The following SIL1 variants were observed in gnomAD, a reference collection of about 807,000 sequenced individuals.
The protein encoded by SIL1 is SIL1 nucleotide exchange factor.
SIL1 carries 40 observed loss-of-function variants against 49.1 expected under a neutral mutation model. That is an observed-to-expected ratio of 0.81 (90% confidence interval 0.63 to 1.06). SIL1 has a LOEUF of 1.06. Among genes scored for constraint, SIL1 ranks in the 50% least tolerant of loss-of-function variants. The pLI is 0.00. For synonymous variants in SIL1, 253 were observed against 250.8 expected, an observed-to-expected ratio of 1.01 and a Z score of -0.08; for missense variants, 500 against 572.6, an observed-to-expected ratio of 0.87 and a Z score of 1.29.
intron 1 of SIL1, among the ~76,000 whole-genome samples, chr5:139,149,223 T>C (rs536306548): frequency 6.6e-6 from 1 of 152,320 alleles, no homozygotes; most frequent in East Asian, 1.9e-4. Flanking sequence ...AGGTGAGCAG[T>C]TAACAGTCAC....
intron 3 of SIL1, among the ~76,000 whole-genome samples, chr5:139,066,468 A>G (rs1769708084): frequency 6.8e-6 from 1 of 147,406 alleles, no homozygotes; most frequent in Non-Finnish European, 1.5e-5. Flanking sequence ...GTGACAGTCC[A>G]TTTTTTAATA....
In SIL1 at chr5:139,026,988, C is replaced by G. The variant is rs761688927; in HGVS notation, c.458G>C (p.Arg153Thr). Residue 153 changes from arginine to threonine, a missense_variant, in exon 6 of 10, where the codon AGG (arginine) becomes ACG (threonine). Arg to Thr is a moderately conservative substitution (Grantham distance 71). Transcript: ENST00000394817. ...GAAGAGCCGCTTTACCTCAGCCTGC[C>G]TTGCCTAAGGAGAGCAGCAAAGAGG... Reference protein sequence around the residue: ...EMESSKEDKARQAEVKRLFRP... With the variant: ...EMESSKEDKATQAEVKRLFRP... 9.3e-6 allele frequency: 15 copies of G among 1,614,042 alleles called. No individual in the cohort carries two copies. In the African/African-American group the frequency reaches 1.3e-4, roughly 14 times the overall value.
intron 1 of SIL1, among the ~76,000 whole-genome samples, chr5:139,144,356 G>T (rs1052894974): frequency 1.3e-5 from 2 of 151,994 alleles, no homozygotes; most frequent in Admixed American, 1.3e-4. Context: ...CAGCAAAGTT[G>T]AGGGGAAAAA....
chr5:138,968,397 G>A (rs1319010147), intron 7 of SIL1, among the ~76,000 whole-genome samples: 5 of 152,114 alleles, frequency 3.3e-5, no homozygotes, highest in Admixed American at 1.3e-4. Flanking sequence ...CTCTTGCCCC[G>A]ATGAATTTCT....
intron 1 of SIL1, among the ~76,000 whole-genome samples, chr5:139,184,908 G>T (rs1367207936): frequency 6.6e-6 from 1 of 152,166 alleles, no homozygotes; most frequent in East Asian, 1.9e-4. Flanking sequence ...CCATATGTCA[G>T]GAATAAAGTG....
intron 5 of SIL1, among the ~76,000 whole-genome samples, chr5:139,029,937 A>T (rs1178531221): frequency 6.6e-6 from 1 of 151,728 alleles, no homozygotes; most frequent in East Asian, 2.0e-4. Flanking sequence ...TGATCGTACC[A>T]CTTCAACCTG....
chr5:138,984,332 GTT>G (rs57850973), intron 7 of SIL1, among the ~76,000 whole-genome samples: 8 of 141,550 alleles, frequency 5.7e-5, no homozygotes, highest in Non-Finnish European at 1.1e-4. Context: ...CTCTTACGGT[GTT>G]TTTTTTTTTG....
chr5:138,996,776 C>T (rs998758475), intron 7 of SIL1, among the ~76,000 whole-genome samples: 1 of 152,078 alleles, frequency 6.6e-6, no homozygotes, highest in African/African-American at 2.4e-5. Flanking sequence ...CCTCGACCTC[C>T]CAAAGTGCTG....
intron 7 of SIL1, among the ~76,000 whole-genome samples, chr5:138,965,664 A>C (rs1469070802): frequency 7.2e-6 from 1 of 138,122 alleles, no homozygotes; most frequent in South Asian, 2.4e-4. Context: ...AGATCCTGGG[A>C]ATAGGCTAAC....
At chr5:139,193,524 C>T (rs779099828) in intron 1 of SIL1, among the ~76,000 whole-genome samples, 16 of 152,252 alleles carry the variant, frequency 1.1e-4, no homozygotes, top group Middle Eastern at 3.4e-3. Context: ...GCAGAGATCA[C>T]ACCACTGCAC....
intron 3 of SIL1, among the ~76,000 whole-genome samples, chr5:139,093,068 C>G (rs973153036): frequency 6.6e-6 from 1 of 152,166 alleles, no homozygotes; most frequent in Admixed American, 6.5e-5. Context: ...GGCTGAAACG[C>G]GAGGACTTGC....
chr5:138,997,524 T>C (rs528845722), intron 7 of SIL1, among the ~76,000 whole-genome samples: 31 of 152,338 alleles, frequency 2.0e-4, no homozygotes, highest in African/African-American at 7.5e-4. Flanking sequence ...TTGTTTGTTT[T>C]GTTTTTTACC....
chr5:139,012,200 A>G (rs1297928333), intron 7 of SIL1: 1 of 152,296 alleles, frequency 6.6e-6, no homozygotes, highest in Non-Finnish European at 1.5e-5. Context: ...CCACAGAAAC[A>G]TACCACCAGA....
chr5:138,988,750 G>C (rs2150404108), intron 7 of SIL1, among the ~76,000 whole-genome samples: 1 of 152,254 alleles, frequency 6.6e-6, no homozygotes, highest in South Asian at 2.1e-4. Flanking sequence ...GTACGTACCT[G>C]TGGTCCCAGC....
chr5:138,975,416 T>C (rs1479901237), intron 7 of SIL1, among the ~76,000 whole-genome samples: 1 of 152,098 alleles, frequency 6.6e-6, no homozygotes, highest in Non-Finnish European at 1.5e-5. Context: ...GGGAAGGGCA[T>C]AGGCTCAGTG....
rs142346053 is a variant in SIL1, at chr5:138,989,835, T to C, written c.767+31336A>G. ...AGGACTTCTCTAACTGCACGGGAAATGCCATCTGAAGGCCATGTCTTATCC... is the reference window on the plus strand; with the variant it reads ...AGGACTTCTCTAACTGCACGGGAAACGCCATCTGAAGGCCATGTCTTATCC... On this transcript the variant is annotated intron_variant, in intron 7 of 9. Coordinates refer to ENST00000394817, the MANE Select transcript of SIL1 (RefSeq NM_022464.5). Among the ~76,000 whole-genome samples, 415 of 152,276 alleles carry C rather than the reference T, an allele frequency of 2.7e-3. 3 individuals are homozygous for C. Among genetic ancestry groups the C allele is most frequent in the African/African-American group, 9.3e-3 (388 of 41,546 alleles).
intron 3 of SIL1, among the ~76,000 whole-genome samples, chr5:139,056,792 C>T (rs1043657191): frequency 6.6e-6 from 1 of 151,914 alleles, no homozygotes; most frequent in Non-Finnish European, 1.5e-5. Context: ...CCCCTCTGCC[C>T]GGCCACCACC....
intron 3 of SIL1, among the ~76,000 whole-genome samples, chr5:139,119,911 TG>T (rs1285894381): frequency 6.6e-6 from 1 of 151,982 alleles, no homozygotes; most frequent in Non-Finnish European, 1.5e-5. Flanking sequence ...TGGCAAGGGG[TG>T]GGTGGTGGCA....
At chr5:139,174,937 C>CAAAAAAAAA (rs56959325) in intron 1 of SIL1, among the ~76,000 whole-genome samples, 34 of 59,780 alleles carry the variant, frequency 5.7e-4, no homozygotes, top group Admixed American at 8.0e-4. Flanking sequence ...GACTGTGTCT[C>CAAAAAAAAA]AAAAAAAAAA....
Sources: allele counts gnomAD v4.1 joint callset (sites outside exome capture counted in the v4.1 genomes callset), GRCh38; gene constraint gnomAD v4.1.1; transcripts MANE v1.5; gene names NCBI Gene and HGNC (gene_info 2026-07-23, HGNC 2026-07-21).